Variants in FCHO2 observed in about 807,000 individuals in gnomAD.
FCHO2 encodes the protein F-BAR domain only protein 2.
FCHO2 carries 43 observed loss-of-function variants against 114.1 expected under a neutral mutation model. The ratio of observed to expected loss-of-function variants is 0.38; its 90% CI spans 0.30 to 0.49. FCHO2 has a LOEUF of 0.49. Ranked by LOEUF, FCHO2 falls within the 20% of genes least tolerant of loss-of-function variation. FCHO2 has a pLI of 0.97. For missense variants in FCHO2, 807 were observed against 950.4 expected (o/e 0.85, Z 1.98); for synonymous variants, 293 against 315.2 (o/e 0.93, Z 0.75).
At chr5:73,010,295 G>T (rs758350910) in intron 6 of FCHO2, among the ~76,000 whole-genome samples, 1 of 152,114 alleles carries the variant, frequency 6.6e-6, no homozygotes, top group Admixed American at 6.5e-5. Context: ...GGATAAAAAT[G>T]ATTGAAATTG....
chr5:72,980,350 A>G (rs1753135936), intron 2 of FCHO2, among the ~76,000 whole-genome samples: 1 of 152,006 alleles, frequency 6.6e-6, no homozygotes, highest in Non-Finnish European at 1.5e-5. Flanking sequence ...TTTGCTGAGG[A>G]GTGTTTTACT....
Position 73,000,434 on chromosome 5 carries a change from G to A in FCHO2, c.496-6011G>A, listed in dbSNP as rs1754371781. Among the ~76,000 whole-genome samples, 3 of 141,016 alleles carry A rather than the reference G, an allele frequency of 2.1e-5. No homozygotes were observed. In the South Asian group the frequency reaches 6.7e-4, roughly 32 times the overall value. The allele number at this position is 141,016 out of a possible 152,430, so 92.5% of individuals were successfully genotyped here. A position where few individuals can be genotyped will look rare whatever the true frequency, so the allele number is the denominator to read the frequency against. On this transcript the variant is annotated intron_variant, in intron 5 of 25. Coordinates refer to ENST00000430046, the MANE Select transcript of FCHO2 (RefSeq NM_138782.3). ...TTCAGTGAACAAAGATCACGCCACT[G>A]CATTCCAGCCTGGGCAACAAGAGTG...
At chr5:73,022,188 T>C (rs1301434079) in intron 8 of FCHO2, among the ~76,000 whole-genome samples, 1 of 152,174 alleles carries the variant, frequency 6.6e-6, no homozygotes, top group Non-Finnish European at 1.5e-5. Context: ...ACCTTAAATG[T>C]GAACCTAAAC....
intron 17 of FCHO2, among the ~76,000 whole-genome samples, chr5:73,059,262 G>A (rs1438948434): frequency 6.6e-6 from 1 of 152,142 alleles, no homozygotes; most frequent in African/African-American, 2.4e-5. Context: ...GAATCATGCG[G>A]GAAGAACTTA....
chr5:72,965,398 T>C (rs1752146336), intron 1 of FCHO2, among the ~76,000 whole-genome samples: 1 of 152,212 alleles, frequency 6.6e-6, no homozygotes, highest in Admixed American at 6.5e-5. Flanking sequence ...AATACTTTAT[T>C]GCTAATGCTA....
intron 1 of FCHO2, among the ~76,000 whole-genome samples, chr5:72,962,281 G>A (rs975305630): frequency 2.6e-5 from 4 of 152,122 alleles, no homozygotes; most frequent in Admixed American, 1.3e-4. Flanking sequence ...TAAATTTGAT[G>A]TCTGCGTTCT....
chr5:73,013,935 C>CCTG (rs1755158532), intron 6 of FCHO2, among the ~76,000 whole-genome samples: 4 of 151,182 alleles, frequency 2.6e-5, no homozygotes, highest in South Asian at 2.1e-4. Flanking sequence ...CAGCTGGCCT[C>CCTG]GGCCTCCCAA....
At chr5:72,984,811 T>G (rs1027695180) in intron 2 of FCHO2, among the ~76,000 whole-genome samples, 14 of 152,136 alleles carry the variant, frequency 9.2e-5, no homozygotes, top group Non-Finnish European at 1.6e-4. Context: ...TTTTGTATTT[T>G]TTTTTGTAGA....
chr5:73,062,356 C>G (rs1757892281), intron 17 of FCHO2, among the ~76,000 whole-genome samples: 1 of 152,138 alleles, frequency 6.6e-6, no homozygotes, highest in Admixed American at 6.6e-5. Flanking sequence ...TTGAGTCAAT[C>G]TAAATGCCAT....
chr5:73,042,450 A>G (rs1026052749), intron 11 of FCHO2, among the ~76,000 whole-genome samples: 1 of 152,198 alleles, frequency 6.6e-6, no homozygotes, highest in Non-Finnish European at 1.5e-5. Context: ...TTTAGTTTAC[A>G]TATATTCCTT....
chr5:73,065,269 T>A (rs1420044429), intron 18 of FCHO2, among the ~76,000 whole-genome samples: 2 of 151,788 alleles, frequency 1.3e-5, no homozygotes, highest in Non-Finnish European at 2.9e-5. Context: ...ACTAGAACTT[T>A]GAGTACATTC....
chr5:73,004,582 G>A (rs950940350), intron 5 of FCHO2, among the ~76,000 whole-genome samples: 1 of 152,002 alleles, frequency 6.6e-6, no homozygotes, highest in Non-Finnish European at 1.5e-5. Flanking sequence ...TTAACTGTAT[G>A]CCAGACCCTA....
At chr5:73,025,047 G>A (rs1755841998) in intron 8 of FCHO2, among the ~76,000 whole-genome samples, 1 of 152,086 alleles carries the variant, frequency 6.6e-6, no homozygotes, top group East Asian at 1.9e-4. Flanking sequence ...CCAGAATTAG[G>A]TGGCTGTTTC....
intron 2 of FCHO2, among the ~76,000 whole-genome samples, chr5:72,982,473 C>T (rs147935422): frequency 1.3e-5 from 2 of 152,264 alleles, no homozygotes; most frequent in African/African-American, 2.4e-5. Flanking sequence ...TTTGTTTTCT[C>T]ATTCTTTTGA....
intron 2 of FCHO2, among the ~76,000 whole-genome samples, chr5:72,973,838 G>T (rs1199842741): frequency 2.0e-5 from 3 of 150,160 alleles, no homozygotes; most frequent in African/African-American, 4.9e-5. Context: ...TTGTGGGCAT[G>T]TAGTGCTATA....
chr5:73,038,275 C>CA (rs756732764), intron 10 of FCHO2, among the ~76,000 whole-genome samples: 16 of 152,294 alleles, frequency 1.1e-4, no homozygotes, highest in Middle Eastern at 3.4e-3. Flanking sequence ...CATGAAACCT[C>CA]AACATAGGTT....
At chr5:73,014,828 C>T (rs1755213462) in intron 6 of FCHO2, among the ~76,000 whole-genome samples, 1 of 151,922 alleles carries the variant, frequency 6.6e-6, no homozygotes, top group Admixed American at 6.6e-5. Context: ...GCCTGTATCC[C>T]AGCACTTTTG....
chr5:73,087,840 AT>A, intron 25 of FCHO2, 87 bp downstream of exon 25: 1 of 1,500,320 alleles, frequency 6.7e-7, no homozygotes, highest in East Asian at 2.3e-5. Flanking sequence ...GCAATTTATA[AT>A]CTAAAGACAT....
chr5:73,058,549 A>AT (rs1394803334), intron 17 of FCHO2, 25 bp downstream of exon 17: 6 of 936,080 alleles, frequency 6.4e-6, no homozygotes, highest in African/African-American at 1.7e-5. Flanking sequence ...GTATATATGT[A>AT]TTTTTTTAAA....
Sources: allele counts gnomAD v4.1 joint callset (sites outside exome capture counted in the v4.1 genomes callset), GRCh38; gene constraint gnomAD v4.1.1; transcripts MANE v1.5; gene names NCBI Gene and HGNC (gene_info 2026-07-23, HGNC 2026-07-21).